ALK: variants seen among roughly 807,000 people sequenced by gnomAD.
The protein encoded by ALK is ALK tyrosine kinase receptor.
Under a neutral mutation model 163.1 loss-of-function variants are expected in ALK, and 74 were observed. The ratio of observed to expected loss-of-function variants is 0.45; its 90% CI spans 0.38 to 0.55. The LOEUF is 0.55. ALK is among the 20% of genes least tolerant of loss of function. The pLI, the probability that ALK is intolerant of heterozygous loss-of-function variation, is 0.00. For synonymous variants in ALK, 960 were observed against 843.2 expected, an observed-to-expected ratio of 1.14 and a Z score of -2.40; for missense variants, 2,063 against 2,105.3, an observed-to-expected ratio of 0.98 and a Z score of 0.39.
At chr2:29,704,175 G>A (rs989597859) in intron 2 of ALK, among the ~76,000 whole-genome samples, 5 of 152,210 alleles carry the variant, frequency 3.3e-5, no homozygotes, top group South Asian at 2.1e-4. Context: ...AGATCTACAC[G>A]TAAAGCTACA....
chr2:29,457,706 T>C (rs1272914325), intron 4 of ALK, among the ~76,000 whole-genome samples: 2 of 152,152 alleles, frequency 1.3e-5, no homozygotes, highest in Non-Finnish European at 2.9e-5. Context: ...ATAAAACCAA[T>C]AACAGTGGTT....
chr2:29,340,972 T>C (rs984700479), intron 5 of ALK, among the ~76,000 whole-genome samples: 1 of 152,182 alleles, frequency 6.6e-6, no homozygotes, highest in Non-Finnish European at 1.5e-5. Flanking sequence ...ACTCAGGGGA[T>C]GGAGAACTTA....
At chr2:29,494,007 T>C (rs1000927722) in intron 4 of ALK, among the ~76,000 whole-genome samples, 22 of 152,350 alleles carry the variant, frequency 1.4e-4, no homozygotes, top group African/African-American at 5.3e-4. Context: ...CACTAACTTG[T>C]CGTGGGCCCT....
chr2:29,605,290 C>T (rs554554172), intron 3 of ALK, among the ~76,000 whole-genome samples: 32 of 152,264 alleles, frequency 2.1e-4, no homozygotes, highest in South Asian at 6.2e-4. Flanking sequence ...CAGGTGGTAA[C>T]GCTTCCTTGC....
At chr2:29,592,385 T>C (rs897013524) in intron 3 of ALK, among the ~76,000 whole-genome samples, 3 of 152,102 alleles carry the variant, frequency 2.0e-5, no homozygotes, top group East Asian at 1.9e-4. Flanking sequence ...ACACCAGCCC[T>C]CTCTGCTCCT....
chr2:29,512,383 C>T (rs1672546852), intron 4 of ALK, among the ~76,000 whole-genome samples: 2 of 147,704 alleles, frequency 1.4e-5, no homozygotes, highest in African/African-American at 5.1e-5. Context: ...ATAAACAGAG[C>T]CAAAGACAAA....
intron 4 of ALK, among the ~76,000 whole-genome samples, chr2:29,525,362 G>T (rs7586042): frequency 0.31 from 46,750 of 152,104 alleles, 7,700 homozygotes; most frequent in Non-Finnish European, 0.37. Context: ...ACCCGCTTAT[G>T]TGATCAACCA....
At chr2:29,334,353 C>CA (rs1468076723) in intron 5 of ALK, among the ~76,000 whole-genome samples, 1 of 152,218 alleles carries the variant, frequency 6.6e-6, no homozygotes, top group Non-Finnish European at 1.5e-5. Flanking sequence ...GAATTGAACT[C>CA]ATCCTGTGTA....
intron 3 of ALK, among the ~76,000 whole-genome samples, chr2:29,692,055 T>C (rs976336206): frequency 1.3e-5 from 2 of 152,168 alleles, no homozygotes; most frequent in African/African-American, 4.8e-5. Context: ...GGAGTAAGTC[T>C]GAATGGGAGT....
intron 1 of ALK, among the ~76,000 whole-genome samples, chr2:29,745,974 A>C (rs1680198297): frequency 2.0e-5 from 3 of 152,198 alleles, no homozygotes; most frequent in African/African-American, 7.2e-5. Flanking sequence ...ATCAGGTATA[A>C]TAATAGCAAT....
chr2:29,353,412 A>C (rs532541808), intron 5 of ALK, among the ~76,000 whole-genome samples: 8 of 152,308 alleles, frequency 5.3e-5, no homozygotes, highest in Non-Finnish European at 8.8e-5. Flanking sequence ...TCCAATTTTC[A>C]GGGAAGAGAG....
chr2:29,850,270 T>A (rs963031785), intron 1 of ALK, among the ~76,000 whole-genome samples: 2 of 152,158 alleles, frequency 1.3e-5, no homozygotes, highest in Non-Finnish European at 2.9e-5. Flanking sequence ...AAGTCGGGAC[T>A]GGTTCCCTGC....
intron 1 of ALK, among the ~76,000 whole-genome samples, chr2:29,734,187 T>G (rs1261703960): frequency 6.6e-6 from 1 of 152,206 alleles, no homozygotes; most frequent in Admixed American, 6.5e-5. Flanking sequence ...ATTCATTGAC[T>G]TGGCAATTGT....
chr2:29,885,323 A>G (rs759583605), intron 1 of ALK, among the ~76,000 whole-genome samples: 11 of 152,190 alleles, frequency 7.2e-5, no homozygotes, highest in Admixed American at 2.0e-4. Flanking sequence ...CTCATTACAC[A>G]TGATACTCTA....
intron 4 of ALK, among the ~76,000 whole-genome samples, chr2:29,452,332 G>GTTTTTTTTTT (rs66533654): frequency 1.4e-4 from 20 of 146,092 alleles, no homozygotes; most frequent in African/African-American, 4.8e-4. Flanking sequence ...AGTTTTTTTT[G>GTTTTTTTTTT]TTTTTTTTTT....
chr2:29,320,593 A>G lies in ALK; in HGVS notation c.1546+158T>C, dbSNP rs116411051. The stretch of plus-strand genomic sequence containing the variant: ...CCAGATTTAATCACTCGAAAGCCCA[A>G]GGTGTGAAGAGGGAATTGTGTGTGA... On this transcript the variant is annotated intron_variant, in intron 7 of 28. Transcript: ENST00000389048. Among the ~76,000 whole-genome samples the G allele has an allele frequency of 6.5e-3, 990 of 152,332 alleles. 11 individuals carry two copies. The highest frequency in any genetic ancestry group is 0.023 in the African/African-American group (941 of 41,582).
rs908138339 is a variant in ALK, at chr2:29,912,600, G to T, written c.667+7393C>A. On this transcript the variant is annotated intron_variant, in intron 1 of 28. Coordinates refer to ENST00000389048, the MANE Select transcript of ALK (RefSeq NM_004304.5). ...ATATTGAAACTTGAGGAAAAGGGAA[G>T]AGCAAAAGAAATGGTATATATCTGG... Among the ~76,000 whole-genome samples the T allele has an allele frequency of 2.6e-5, 4 of 151,980 alleles. No individual in the cohort carries two copies. In the East Asian group the frequency reaches 7.7e-4, roughly 29 times the overall value.
At chr2:29,786,633 C>T (rs1365372949) in intron 1 of ALK, among the ~76,000 whole-genome samples, 1 of 152,152 alleles carries the variant, frequency 6.6e-6, no homozygotes, top group Non-Finnish European at 1.5e-5. Context: ...ATAATGTAGT[C>T]CCCGACTGTA....
chr2:29,892,580 G>A (rs1189398374), intron 1 of ALK, among the ~76,000 whole-genome samples: 6 of 152,122 alleles, frequency 3.9e-5, no homozygotes, highest in African/African-American at 1.4e-4. Flanking sequence ...CCCTCACAAT[G>A]AGCAATTATT....
Sources: allele counts gnomAD v4.1 joint callset (sites outside exome capture counted in the v4.1 genomes callset), GRCh38; gene constraint gnomAD v4.1.1; transcripts MANE v1.5; gene names NCBI Gene and HGNC (gene_info 2026-07-23, HGNC 2026-07-21).